The following TMEM132C variants were observed in gnomAD, a reference collection of about 807,000 sequenced individuals.
The protein encoded by TMEM132C is protein phosphatase 1, regulatory subunit 152.
Under a neutral mutation model 61.4 loss-of-function variants are expected in TMEM132C, and 29 were observed. The observed-to-expected ratio is 0.47, with a 90% CI of 0.35 to 0.64. The LOEUF is 0.64. Ranked by LOEUF, TMEM132C falls within the 30% of genes least tolerant of loss-of-function variation. The pLI is 0.00. For missense variants in TMEM132C, 1,408 were observed against 1,476.9 expected, an observed-to-expected ratio of 0.95 and a Z score of 0.76; for synonymous variants, 656 against 633.1, an observed-to-expected ratio of 1.04 and a Z score of -0.54.
intron 1 of TMEM132C, among the ~76,000 whole-genome samples, chr12:128,316,727 T>G (rs1391624944): frequency 6.6e-6 from 1 of 152,170 alleles, no homozygotes; most frequent in East Asian, 1.9e-4. Flanking sequence ...AATTTTAATG[T>G]TATATCACCT....
intron 1 of TMEM132C, among the ~76,000 whole-genome samples, chr12:128,410,347 C>CT (rs1868491000): frequency 6.6e-6 from 1 of 151,518 alleles, no homozygotes; most frequent in Non-Finnish European, 1.5e-5. Context: ...CATAATGCCA[C>CT]TTTATCACTA....
At chr12:128,391,232 C>T (rs77858276) in intron 1 of TMEM132C, among the ~76,000 whole-genome samples, 1,802 of 152,300 alleles carry the variant, frequency 0.012, 51 homozygotes, top group African/African-American at 0.042. Flanking sequence ...TCCACTCTGG[C>T]GGCTGGCCAG....
chr12:128,534,688 A>T (rs1873455337), intron 2 of TMEM132C, among the ~76,000 whole-genome samples: 2 of 152,154 alleles, frequency 1.3e-5, no homozygotes, highest in Non-Finnish European at 2.9e-5. Flanking sequence ...CTGGTTGCAA[A>T]ACTTCTGGTC....
intron 2 of TMEM132C, among the ~76,000 whole-genome samples, chr12:128,417,695 A>G (rs1008079127): frequency 6.6e-6 from 1 of 152,200 alleles, no homozygotes; most frequent in South Asian, 2.1e-4. Context: ...GGTGCTCATA[A>G]CAGTGTCTGG....
chr12:128,476,338 G>A (rs1871155525), intron 2 of TMEM132C, among the ~76,000 whole-genome samples: 1 of 152,220 alleles, frequency 6.6e-6, no homozygotes, highest in South Asian at 2.1e-4. Flanking sequence ...CAGAGAGAAA[G>A]GCTGGGGAGA....
intron 1 of TMEM132C, among the ~76,000 whole-genome samples, chr12:128,279,667 C>T (rs1870819824): frequency 6.6e-6 from 1 of 152,196 alleles, no homozygotes; most frequent in African/African-American, 2.4e-5. Flanking sequence ...TTCTAGATAC[C>T]CTCATGACGC....
intron 2 of TMEM132C, among the ~76,000 whole-genome samples, chr12:128,503,987 T>TG (rs1467937765): frequency 6.6e-6 from 1 of 152,228 alleles, no homozygotes; most frequent in Non-Finnish European, 1.5e-5. Flanking sequence ...AGACAGACAG[T>TG]GCTGGAGTGA....
chr12:128,312,339 G>A (rs988909795), intron 1 of TMEM132C, among the ~76,000 whole-genome samples: 1 of 152,120 alleles, frequency 6.6e-6, no homozygotes, highest in Non-Finnish European at 1.5e-5. Context: ...ACAAGGTCTT[G>A]CTCTGTTGCC....
At chr12:128,688,856 C>T (rs551560507) in intron 5 of TMEM132C, among the ~76,000 whole-genome samples, 2 of 152,160 alleles carry the variant, frequency 1.3e-5, no homozygotes, top group Non-Finnish European at 1.5e-5. Flanking sequence ...TTCAGTGGTG[C>T]GATCTCAGCT....
intron 2 of TMEM132C, among the ~76,000 whole-genome samples, chr12:128,454,556 A>G (rs75104042): frequency 0.29 from 43,754 of 152,158 alleles, 8,797 homozygotes; most frequent in African/African-American, 0.57. Flanking sequence ...TGGCTGGGCA[A>G]TTCTCACTTG....
At chr12:128,377,573 A>T (rs1359038388) in intron 1 of TMEM132C, among the ~76,000 whole-genome samples, 2 of 152,248 alleles carry the variant, frequency 1.3e-5, no homozygotes, top group Non-Finnish European at 1.5e-5. Flanking sequence ...AACAGGAAGT[A>T]TCAGAGTAGA....
chr12:128,604,388 T>C (rs1017920514), intron 3 of TMEM132C, among the ~76,000 whole-genome samples: 4 of 147,590 alleles, frequency 2.7e-5, no homozygotes, highest in Non-Finnish European at 4.5e-5. Flanking sequence ...GATGGCTAGA[T>C]AGATAAATAA....
At chr12:128,429,369 T>C (rs1869308161) in intron 2 of TMEM132C, among the ~76,000 whole-genome samples, 1 of 152,176 alleles carries the variant, frequency 6.6e-6, no homozygotes, top group South Asian at 2.1e-4. Context: ...GAATAAATGG[T>C]TGATTGCCGT....
chr12:128,690,342 G>T (rs1312889651), intron 5 of TMEM132C, among the ~76,000 whole-genome samples: 1 of 152,134 alleles, frequency 6.6e-6, no homozygotes, highest in Admixed American at 6.5e-5. Context: ...GTAGATGAGT[G>T]GGCTCACTTT....
At chr12:128,290,638 T>G (rs1566044063) in intron 1 of TMEM132C, among the ~76,000 whole-genome samples, 1 of 152,160 alleles carries the variant, frequency 6.6e-6, no homozygotes, top group East Asian at 1.9e-4. Context: ...ACCAGGACAT[T>G]GCTGGGCTTG....
rs143905499 is a variant in TMEM132C, at chr12:128,381,322, T to G, written c.86-33410T>G. ...TCCCACAAATGATGGGGCTTGACTG[T>G]GAATCCATCTGGTGGAGCAGAGTAG... On this transcript the variant is annotated intron_variant, in intron 1 of 8. Transcript: ENST00000435159. 9.9e-4 allele frequency among the ~76,000 whole-genome samples: 151 copies of G among 152,270 alleles called. 1 individual carries two copies. Among genetic ancestry groups the G allele is most frequent in the African/African-American group, 3.4e-3 (140 of 41,570 alleles).
intron 3 of TMEM132C, among the ~76,000 whole-genome samples, chr12:128,552,903 G>C (rs1874217120): frequency 6.6e-6 from 1 of 151,932 alleles, no homozygotes; most frequent in Non-Finnish European, 1.5e-5. Flanking sequence ...GTGAGACTCT[G>C]TCTCAAAAAC....
intron 4 of TMEM132C, among the ~76,000 whole-genome samples, chr12:128,646,325 G>A (rs1191352172): frequency 6.6e-6 from 1 of 152,074 alleles, no homozygotes; most frequent in Non-Finnish European, 1.5e-5. Flanking sequence ...ATGTGAGTGT[G>A]TTCACTAGAT....
At chr12:128,271,707 C>T (rs942971846) in intron 1 of TMEM132C, among the ~76,000 whole-genome samples, 1 of 152,194 alleles carries the variant, frequency 6.6e-6, no homozygotes, top group Non-Finnish European at 1.5e-5. Flanking sequence ...TTCCCTTAAG[C>T]AGTTGAGTTT....
Sources: gnomAD v4.1 joint callset for allele counts (sites outside exome capture counted in the v4.1 genomes callset) on GRCh38, gnomAD v4.1.1 for gene constraint, MANE v1.5 for transcripts, NCBI Gene and HGNC (gene_info 2026-07-23, HGNC 2026-07-21) for gene names.